Variants in TF observed in about 807,000 individuals in gnomAD.
TF encodes the protein serotransferrin.
A neutral mutation model predicts 82.4 loss-of-function variants in TF; 55 were observed. That is an observed-to-expected ratio of 0.67 (90% CI 0.54 to 0.84). TF has a LOEUF of 0.84. TF is among the 40% of genes least tolerant of loss of function. The pLI is 0.00. For synonymous variants in TF, 332 were observed against 332.6 expected (o/e 1.00, Z 0.02); for missense variants, 737 against 868.4 (o/e 0.85, Z 1.90).
chr3:133,757,901 G>A lies in TF; in HGVS notation c.1003G>A (p.Gly335Ser), dbSNP rs1252462607. 1.9e-6 allele frequency: 3 copies of A among 1,614,076 alleles called. No individual in the cohort carries two copies. The African/African-American group carries it at 4.0e-5, about 22-fold the overall frequency. ...PPRMDAKMYL[G>S]YEYVTAIRNL... is the part of the protein sequence containing the mutation. Reference sequence around the variant, plus strand: ...CAGGATGGATGCCAAGATGTACCTGGGCTATGAGTATGTCACTGCCATCCG... The same window carrying A: ...CAGGATGGATGCCAAGATGTACCTGAGCTATGAGTATGTCACTGCCATCCG... The change falls in exon 8 of 17, where the codon GGC becomes AGC. Residue 335 changes from glycine to serine, a missense_variant. Physicochemically the swap from Gly to Ser is moderately conservative, Grantham distance 56. Transcript: ENST00000402696.
chr3:133,704,223 GA>G, the TF span: 1 of 224,366 alleles, frequency 4.5e-6, no homozygotes. Flanking sequence ...CTTAACTTCA[GA>G]AAGGGGAAGC....
chr3:133,777,331 C>T (rs1934421151), intron 16 of TF, 93 bp downstream of exon 16: 3 of 1,254,886 alleles, frequency 2.4e-6, no homozygotes, highest in African/African-American at 1.5e-5. Context: ...GGCTGTGGCC[C>T]TTGGGATAGG....
chr3:133,681,739 A>AGGCC, the TF span, among the ~76,000 whole-genome samples: 1 of 152,226 alleles, frequency 6.6e-6, no homozygotes, highest in Non-Finnish European at 1.5e-5. Context: ...CAGCTCAAGG[A>AGGCC]GGCCTGCCTG....
At chr3:133,754,467 G>C in intron 3 of TF, 28 bp from the exon 4 acceptor site, 1 of 1,612,880 alleles carries the variant, frequency 6.2e-7, no homozygotes, top group Non-Finnish European at 8.5e-7. Context: ...CAGGCTGAGG[G>C]CCTTCCATTC....
At chr3:133,711,199 T>C in the TF span, among the ~76,000 whole-genome samples, 70,488 of 152,034 alleles carry the variant, frequency 0.46, 17,334 homozygotes, top group South Asian at 0.55. Context: ...CTCACATCCA[T>C]GCCCACAGCC....
chr3:133,773,466 T>C (rs1039169160), intron 14 of TF: 3 of 149,588 alleles, frequency 2.0e-5, no homozygotes, highest in African/African-American at 7.4e-5. Flanking sequence ...TCAGCCCACA[T>C]GGGCTCTTTT....
the TF span, chr3:133,692,999 G>T: frequency 2.0e-5 from 3 of 152,444 alleles, no homozygotes; most frequent in Non-Finnish European, 4.4e-5. Flanking sequence ...CATGGGCTGT[G>T]CTGGAGTCAC....
rs1934233892 is a variant in TF at position 133,770,513 on chromosome 3, T to C, written c.1628T>C (p.Leu543Pro). ...CCACTTCTGGACCTCTGCAGGTGTC[T>C]GGTTGAGAAGGGAGATGTGGCCTTT... The part of the protein sequence containing the change: ...YYGYTGAFRC[L>P]VEKGDVAFVK... Residue 543 changes from leucine to proline, a missense_variant, in exon 14 of 17, where the codon CTG becomes CCG. Coordinates refer to ENST00000402696, the MANE Select transcript of TF (RefSeq NM_001063.4). 6.2e-7 allele frequency: 1 copy of C among 1,614,058 alleles called. No homozygotes were observed. The highest frequency in any genetic ancestry group is 8.5e-7 in the Non-Finnish European group (1 of 1,180,034).
chr3:133,716,866 G>T, the TF span, among the ~76,000 whole-genome samples: 20 of 152,118 alleles, frequency 1.3e-4, no homozygotes, highest in African/African-American at 4.6e-4. Context: ...TGGCATCTCG[G>T]CTGTTCCTTG....
the TF span, among the ~76,000 whole-genome samples, chr3:133,665,841 A>G: frequency 1.3e-5 from 2 of 150,410 alleles, no homozygotes; most frequent in Non-Finnish European, 3.0e-5. Flanking sequence ...AGGATGAGAT[A>G]GGAGAATTGC....
At chr3:133,743,922 C>T (rs969143817), upstream of TF, among the ~76,000 whole-genome samples, 37 of 152,342 alleles carry the variant, frequency 2.4e-4, no homozygotes, top group African/African-American at 8.2e-4. Flanking sequence ...CTGCCTACCC[C>T]ATCCAAGGAA....
rs1576371586 is a variant in TF at position 133,784,223 on chromosome 3, G to A, written c.*5603G>A. 1.3e-5 allele frequency: 2 copies of A among 152,394 alleles called. No individual in the cohort carries two copies. Among genetic ancestry groups the A allele is most frequent in the African/African-American group, 4.8e-5 (2 of 41,568 alleles). 9.4% of individuals were successfully genotyped at this position (152,394 alleles called of 1,614,324 possible). A position where few individuals can be genotyped will look rare whatever the true frequency, so the allele number is the denominator to read the frequency against. ...CGTCTTCCTTCTACCAGACGCTGGT[G>A]CTGGAAAAGAGAAGTGTAAGAATAA... On this transcript the variant is annotated 3_prime_UTR_variant, in exon 17 of 17. Coordinates refer to ENST00000402696, the MANE Select transcript of TF (RefSeq NM_001063.4).
intron 14 of TF, among the ~76,000 whole-genome samples, chr3:133,772,513 G>A (rs1014330964): frequency 6.6e-6 from 1 of 151,892 alleles, no homozygotes; most frequent in Non-Finnish European, 1.5e-5. Context: ...ATTTTTTTAC[G>A]TGTGTATATG....
At chr3:133,768,784 ATT>A (rs5852766) in intron 13 of TF, among the ~76,000 whole-genome samples, 20,293 of 82,776 alleles carry the variant, frequency 0.25, 1,206 homozygotes, top group South Asian at 0.32. Flanking sequence ...GTACCTTGCT[ATT>A]TTTTTTTTTT....
At chr3:133,748,287 C>A (rs1933561045) in intron 1 of TF, 125 bp from the exon 2 acceptor site, 3 of 1,196,994 alleles carry the variant, frequency 2.5e-6, no homozygotes, top group South Asian at 2.6e-5. Context: ...CTGTAGTGTT[C>A]ATGGACAGGA....
the TF span, among the ~76,000 whole-genome samples, chr3:133,691,313 C>A: frequency 1.3e-5 from 2 of 152,194 alleles, no homozygotes; most frequent in African/African-American, 4.8e-5. Context: ...TGGAAATATT[C>A]TACAATGCAT....
At chr3:133,717,429 G>A in the TF span, among the ~76,000 whole-genome samples, 1 of 152,194 alleles carries the variant, frequency 6.6e-6, no homozygotes, top group Admixed American at 6.5e-5. Flanking sequence ...CCGTCTGCTT[G>A]TCTTTCTCTG....
chr3:133,704,209 G>C, the TF span: 1 of 221,040 alleles, frequency 4.5e-6, no homozygotes, highest in Non-Finnish European at 9.9e-6. Flanking sequence ...CTATTGATTT[G>C]TTTCTTAACT....
intron 8 of TF, among the ~76,000 whole-genome samples, chr3:133,758,774 C>A (rs190792011): frequency 6.6e-6 from 1 of 152,112 alleles, no homozygotes; most frequent in South Asian, 2.1e-4. Flanking sequence ...CCTGAGGATG[C>A]CCTGGTGAAC....
Sources: gnomAD v4.1 joint callset for allele counts (sites outside exome capture counted in the v4.1 genomes callset) on GRCh38, gnomAD v4.1.1 for gene constraint, MANE v1.5 for transcripts, NCBI Gene and HGNC (gene_info 2026-07-23, HGNC 2026-07-21) for gene names.